The following MACROD2 variants were observed in gnomAD, a reference collection of about 807,000 sequenced individuals.
MACROD2 encodes the protein ADP-ribose glycohydrolase MACROD2.
MACROD2 carries 36 observed loss-of-function variants against 70.4 expected under a neutral mutation model. The observed-to-expected ratio is 0.51, with a 90% CI of 0.39 to 0.68. The LOEUF (loss-of-function observed/expected upper bound fraction) is 0.68, where lower values mean the gene tolerates loss of function less well. Ranked by LOEUF, MACROD2 falls within the 30% of genes least tolerant of loss-of-function variation. The pLI is 0.00. For missense variants in MACROD2, 496 were observed against 538.4 expected (o/e 0.92, Z 0.78); for synonymous variants, 172 against 178.8 (o/e 0.96, Z 0.30).
rs554287751 is a variant in MACROD2, at chr20:14,927,832, T to C, written c.418+242873T>C. 3.3e-4 allele frequency among the ~76,000 whole-genome samples: 50 copies of C among 152,336 alleles called. 1 individual carries two copies. The South Asian group carries it at 5.0e-3, about 15-fold the overall frequency. ...GTTTTCAGAAGCTTATTACTATATG[T>C]AAAAAACAACAACGACAAAAACTAT... On this transcript the variant is annotated intron_variant, in intron 5 of 17. Coordinates refer to ENST00000684519, the MANE Select transcript of MACROD2 (RefSeq NM_001351661.2).
At chr20:15,551,731 G>A (rs533888063) in intron 8 of MACROD2, among the ~76,000 whole-genome samples, 3 of 152,190 alleles carry the variant, frequency 2.0e-5, no homozygotes, top group African/African-American at 4.8e-5. Context: ...AGCCGGATGT[G>A]ATGGTGTGGG....
intron 3 of MACROD2, among the ~76,000 whole-genome samples, chr20:14,172,255 C>G (rs1478144219): frequency 6.7e-6 from 1 of 150,334 alleles, no homozygotes; most frequent in East Asian, 2.0e-4. Flanking sequence ...CTCTGAAAGA[C>G]AGCAGATAGT....
intron 10 of MACROD2, among the ~76,000 whole-genome samples, chr20:15,925,816 C>T (rs959687831): frequency 6.6e-6 from 1 of 152,188 alleles, no homozygotes; most frequent in South Asian, 2.1e-4. Context: ...CTTCCTTCTA[C>T]ATGGACAATG....
chr20:14,560,308 TACACACACAC>T (rs1232499100), intron 4 of MACROD2, among the ~76,000 whole-genome samples: 10 of 147,452 alleles, frequency 6.8e-5, no homozygotes, highest in East Asian at 4.0e-4. Context: ...GTACTTAATG[TACACACACAC>T]ACACACACAC....
intron 8 of MACROD2, among the ~76,000 whole-genome samples, chr20:15,861,488 T>C (rs1468937134): frequency 6.6e-6 from 1 of 152,142 alleles, no homozygotes; most frequent in African/African-American, 2.4e-5. Flanking sequence ...TTGTTTGTAC[T>C]CTAGTTGTTC....
rs1468693374 is a variant in MACROD2 at position 15,204,794 on chromosome 20, A to ATCTCT, written c.419-25146_419-25145insTCTCT. Among the ~76,000 whole-genome samples the ATCTCT allele has an allele frequency of 7.9e-5, 12 of 152,230 alleles. No homozygotes were observed. The East Asian group carries it at 2.3e-3, about 29-fold the overall frequency. On this transcript the variant is annotated intron_variant, in intron 5 of 17. Coordinates refer to ENST00000684519, the MANE Select transcript of MACROD2 (RefSeq NM_001351661.2). ...GAATTCCTGGTAGCATTTCTCAGAG[A>ATCTCT]ATTTCTATACTAGAGTGACTATCCT...
At chr20:15,270,261 A>G (rs1292628118) in intron 6 of MACROD2, among the ~76,000 whole-genome samples, 1 of 152,076 alleles carries the variant, frequency 6.6e-6, no homozygotes, top group East Asian at 1.9e-4. Context: ...CAATAGTTAA[A>G]CATCCATATG....
chr20:14,178,858 T>A (rs942421034), intron 3 of MACROD2, among the ~76,000 whole-genome samples: 7 of 151,760 alleles, frequency 4.6e-5, no homozygotes, highest in Admixed American at 4.6e-4. Context: ...CCCCTTTATC[T>A]CTGCAGCAAG....
intron 5 of MACROD2, among the ~76,000 whole-genome samples, chr20:14,873,555 T>C (rs900426095): frequency 2.0e-5 from 3 of 152,110 alleles, no homozygotes; most frequent in Admixed American, 2.0e-4. Flanking sequence ...TGTAAATAAA[T>C]CAGTTGTTTC....
intron 6 of MACROD2, among the ~76,000 whole-genome samples, chr20:15,241,051 A>G (rs1423779484): frequency 6.6e-6 from 1 of 152,218 alleles, no homozygotes; most frequent in Non-Finnish European, 1.5e-5. Flanking sequence ...CATTCATTAT[A>G]CTATTCTCTC....
intron 4 of MACROD2, among the ~76,000 whole-genome samples, chr20:14,561,609 C>T (rs1361883869): frequency 6.6e-6 from 1 of 151,586 alleles, no homozygotes. Context: ...TTTCTAATAG[C>T]TAAGAGGTAT....
In MACROD2 at chr20:15,024,567, T is replaced by C. The variant is rs149698420; in HGVS notation, c.419-205373T>C. Reference sequence around the variant, plus strand: ...ATAATAAAAAACATTTGTTAAAACATATGGGAATTTTTAAGTGATACTCTA... The same window carrying C: ...ATAATAAAAAACATTTGTTAAAACACATGGGAATTTTTAAGTGATACTCTA... On this transcript the variant is annotated intron_variant, in intron 5 of 17. Transcript: ENST00000684519. Among the ~76,000 whole-genome samples the C allele has an allele frequency of 2.1e-3, 315 of 151,900 alleles. 1 individual carries two copies. Among genetic ancestry groups the C allele is most frequent in the African/African-American group, 7.0e-3 (289 of 41,410 alleles).
At chr20:15,974,881 T>G (rs6074983) in intron 13 of MACROD2, among the ~76,000 whole-genome samples, 2 of 152,114 alleles carry the variant, frequency 1.3e-5, no homozygotes, top group Non-Finnish European at 2.9e-5. Flanking sequence ...TGTGTGCATA[T>G]GTCAGTATAT....
chr20:14,201,512 A>C (rs975057589), intron 3 of MACROD2, among the ~76,000 whole-genome samples: 1 of 152,128 alleles, frequency 6.6e-6, no homozygotes. Flanking sequence ...CTCACTGATG[A>C]TAGTTTATTA....
At chr20:14,663,536 A>T (rs1252580128) in intron 4 of MACROD2, among the ~76,000 whole-genome samples, 1 of 151,466 alleles carries the variant, frequency 6.6e-6, no homozygotes, top group Non-Finnish European at 1.5e-5. Context: ...ACACACACAC[A>T]CACACACACA....
chr20:14,486,128 G>GT (rs1460583027), intron 3 of MACROD2, among the ~76,000 whole-genome samples: 1 of 152,128 alleles, frequency 6.6e-6, no homozygotes, highest in East Asian at 1.9e-4. Flanking sequence ...AACTCAAGGA[G>GT]TTTTTCATGG....
At chr20:14,970,568 A>G (rs1259858402) in intron 5 of MACROD2, among the ~76,000 whole-genome samples, 1 of 152,290 alleles carries the variant, frequency 6.6e-6, no homozygotes, top group African/African-American at 2.4e-5. Flanking sequence ...ATTCATATTC[A>G]TGTTGTATGA....
chr20:15,171,670 C>T (rs1485994068), intron 5 of MACROD2, among the ~76,000 whole-genome samples: 1 of 152,110 alleles, frequency 6.6e-6, no homozygotes. Flanking sequence ...CTTCAGGTCT[C>T]AGCTAAAAGT....
At chr20:15,832,431 A>G (rs1003368901) in intron 8 of MACROD2, among the ~76,000 whole-genome samples, 6 of 152,174 alleles carry the variant, frequency 3.9e-5, no homozygotes, top group East Asian at 1.9e-4. Context: ...TGGAAAAAAT[A>G]CAGGGGGTGG....
Sources: allele counts gnomAD v4.1 joint callset (sites outside exome capture counted in the v4.1 genomes callset), GRCh38; gene constraint gnomAD v4.1.1; transcripts MANE v1.5; gene names NCBI Gene and HGNC (gene_info 2026-07-23, HGNC 2026-07-21).